ADAM29: variants seen among roughly 807,000 people sequenced by gnomAD.
ADAM29 encodes the protein disintegrin and metalloproteinase domain-containing protein 29.
For synonymous variants in ADAM29, 367 were observed against 342.3 expected (o/e 1.07, Z -0.80); for missense variants, 969 against 1,001.8 (o/e 0.97, Z 0.44).
intron 4 of ADAM29, among the ~76,000 whole-genome samples, chr4:174,961,504 C>A (rs1157524952): frequency 6.6e-6 from 1 of 151,850 alleles, no homozygotes; most frequent in Non-Finnish European, 1.5e-5. Context: ...TTTTAGTAAT[C>A]ATTTCGTGCT....
At chr4:174,932,664 G>C (rs1377444828) in intron 3 of ADAM29, among the ~76,000 whole-genome samples, 1 of 152,178 alleles carries the variant, frequency 6.6e-6, no homozygotes, top group African/African-American at 2.4e-5. Context: ...TAAGGATTTT[G>C]AGTGATCTTT....
rs1341929969 is a variant in ADAM29 at position 174,977,636 on chromosome 4, T to G, written c.2111T>G (p.Ile704Arg). The change falls in exon 5 of 5, where the codon ATA becomes AGA. Residue 704 changes from isoleucine (I) to arginine (R), a missense_variant. Coordinates refer to ENST00000359240, the MANE Select transcript of ADAM29 (RefSeq NM_014269.4). ...LYRLCKKSKP[I>R]KKQQDVQTPS... is the part of the protein sequence containing the mutation. ...CGACTTTGTAAAAAAAGTAAACCAA[T>G]AAAAAAGCAGCAAGATGTTCAAACT... 2 of 1,614,044 alleles carry G rather than the reference T, an allele frequency of 1.2e-6. No homozygotes were observed. The highest frequency in any genetic ancestry group is 1.7e-6 in the Non-Finnish European group (2 of 1,179,998).
At chr4:174,964,905 A>C (rs1418523394) in intron 4 of ADAM29, among the ~76,000 whole-genome samples, 1 of 151,940 alleles carries the variant, frequency 6.6e-6, no homozygotes, top group Non-Finnish European at 1.5e-5. Context: ...TGAGTAGGCA[A>C]AAAAAATAAA....
intron 4 of ADAM29, among the ~76,000 whole-genome samples, chr4:174,964,667 A>G (rs1746050019): frequency 6.6e-6 from 1 of 152,156 alleles, no homozygotes; most frequent in South Asian, 2.1e-4. Context: ...TTTTAAATGC[A>G]TTAATACAGT....
chr4:174,972,492 A>G (rs951212454), intron 4 of ADAM29, among the ~76,000 whole-genome samples: 3 of 152,166 alleles, frequency 2.0e-5, no homozygotes, highest in Admixed American at 6.5e-5. Flanking sequence ...CTTTTATCCC[A>G]GGTGTCTAGA....
chr4:174,940,539 T>G (rs1016257653), intron 4 of ADAM29, among the ~76,000 whole-genome samples: 1 of 152,066 alleles, frequency 6.6e-6, no homozygotes, highest in Non-Finnish European at 1.5e-5. Flanking sequence ...CAAAGTATTT[T>G]TCTCAGATTT....
In ADAM29 at chr4:174,975,865, G is replaced by T; in HGVS notation, c.340G>T (p.Val114Phe). ...GYVEGDPESL[V>F]SLSTCFGGFQ... is the part of the protein sequence containing the mutation. ...TGTGGAAGGGGACCCAGAATCCCTG[G>T]TTTCCCTCAGTACCTGTTTTGGGGG... The change falls in exon 5 of 5, where the codon GTT (valine) becomes TTT (phenylalanine). Residue 114 changes from valine (V) to phenylalanine (F), a missense_variant. Physicochemically the swap from Val to Phe is conservative, Grantham distance 50 (BLOSUM62 -1). Transcript: ENST00000359240. 6.2e-7 allele frequency: 1 copy of T among 1,613,862 alleles called. No homozygotes were observed. Among genetic ancestry groups the T allele is most frequent in the Non-Finnish European group, 8.5e-7 (1 of 1,179,936 alleles).
intron 4 of ADAM29, among the ~76,000 whole-genome samples, chr4:174,954,599 G>A (rs188921787): frequency 9.9e-5 from 15 of 152,194 alleles, no homozygotes; most frequent in African/African-American, 3.4e-4. Context: ...AAGGATTCAT[G>A]TTCCCTTTAT....
intron 3 of ADAM29, among the ~76,000 whole-genome samples, chr4:174,933,844 A>G (rs1203815720): frequency 6.6e-6 from 1 of 152,176 alleles, no homozygotes; most frequent in African/African-American, 2.4e-5. Context: ...TCCATGGTGC[A>G]CATGTACCTC....
chr4:174,923,160 A>G (rs1743265381), intron 2 of ADAM29, among the ~76,000 whole-genome samples: 1 of 151,906 alleles, frequency 6.6e-6, no homozygotes, highest in African/African-American at 2.4e-5. Flanking sequence ...AGTTCAGGTG[A>G]TTCTCCTGGC....
intron 4 of ADAM29, among the ~76,000 whole-genome samples, chr4:174,943,629 A>G (rs917592505): frequency 1.6e-4 from 25 of 152,244 alleles, no homozygotes; most frequent in African/African-American, 5.8e-4. Context: ...ACCACCTCCC[A>G]CCAGGTCCCT....
At chr4:174,948,325 G>A (rs1744968986) in intron 4 of ADAM29, among the ~76,000 whole-genome samples, 1 of 152,154 alleles carries the variant, frequency 6.6e-6, no homozygotes, top group African/African-American at 2.4e-5. Context: ...GCTGGCCTTT[G>A]GATGGGGTAT....
rs1223070953 is a variant in ADAM29, at chr4:174,975,523, A to T, written c.-3A>T. On this transcript the variant is annotated 5_prime_UTR_variant, in exon 5 of 5. Transcript: ENST00000359240. ...ATCACTGTGATTTGAAGCCTTTTTG[A>T]ACATGAAGATGTTACTCCTGCTGCA... 1.3e-6 allele frequency: 2 copies of T among 1,500,984 alleles called. No homozygotes were observed. The highest frequency in any genetic ancestry group is 4.7e-5 in the Admixed American group (2 of 42,700). 93.0% of individuals were successfully genotyped at this position (1,500,984 alleles called of 1,614,324 possible).
chr4:174,955,481 A>C (rs1745449054), intron 4 of ADAM29, among the ~76,000 whole-genome samples: 1 of 152,098 alleles, frequency 6.6e-6, no homozygotes, highest in African/African-American at 2.4e-5. Context: ...TCATCAGCTT[A>C]TTATTGCTAT....
intron 4 of ADAM29, among the ~76,000 whole-genome samples, chr4:174,971,522 T>C (rs1197635619): frequency 1.3e-5 from 2 of 152,290 alleles, no homozygotes; most frequent in Admixed American, 1.3e-4. Flanking sequence ...GAACTTTGAA[T>C]GTATCATCCC....
At position 174,950,285 on chromosome 4, in the gene ADAM29, G is replaced by A. The variant is rs776311946; in HGVS notation, c.-181+13272G>A. Among the ~76,000 whole-genome samples the A allele has an allele frequency of 2.0e-5, 3 of 152,192 alleles. No individual in the cohort carries two copies. The South Asian group carries it at 6.2e-4, about 32-fold the overall frequency. ...AGAATAGAATGTTTCACAACTTAGT[G>A]GAAGTCTCCAGTATGATAAACCCAT... On this transcript the variant is annotated intron_variant, in intron 4 of 4. Transcript: ENST00000359240.
At chr4:174,971,160 A>G (rs1159463401) in intron 4 of ADAM29, among the ~76,000 whole-genome samples, 1 of 152,208 alleles carries the variant, frequency 6.6e-6, no homozygotes, top group East Asian at 1.9e-4. Context: ...TTCACTATGT[A>G]TATGTATATG....
At chr4:174,938,117 C>A (rs1744305940) in intron 4 of ADAM29, among the ~76,000 whole-genome samples, 1 of 151,968 alleles carries the variant, frequency 6.6e-6, no homozygotes. Context: ...TTTGAAGGGT[C>A]TCTAAATACA....
chr4:174,936,325 T>C (rs989543272), intron 3 of ADAM29, among the ~76,000 whole-genome samples: 1 of 152,022 alleles, frequency 6.6e-6, no homozygotes, highest in African/African-American at 2.4e-5. Flanking sequence ...CTAATTAAGA[T>C]TTTGAAAGGT....
Sources: gnomAD v4.1 joint callset for allele counts (sites outside exome capture counted in the v4.1 genomes callset) on GRCh38, gnomAD v4.1.1 for gene constraint, MANE v1.5 for transcripts, NCBI Gene and HGNC (gene_info 2026-07-23, HGNC 2026-07-21) for gene names.